Variants in DDX3X observed in about 807,000 individuals in gnomAD.
DDX3X encodes the protein DEAD-box helicase 3 X-linked.
Under a neutral mutation model 52.7 loss-of-function variants are expected in DDX3X, and 4 were observed. The observed-to-expected ratio is 0.08, with a 90% CI of 0.04 to 0.17. The LOEUF is 0.17. Ranked by LOEUF, DDX3X falls within the 10% of genes least tolerant of loss-of-function variation. The pLI, the probability that DDX3X is intolerant of heterozygous loss-of-function variation, is 1.00. For synonymous variants in DDX3X, 192 were observed against 178.1 expected, an observed-to-expected ratio of 1.08 and a Z score of -0.62; for missense variants, 222 against 548.6, an observed-to-expected ratio of 0.40 and a Z score of 5.95.
Position 41,347,307 on chromosome X carries a change from T to G in DDX3X, c.1770-5T>G. On this transcript the variant is annotated splice_polypyrimidine_tract_variant and splice_region_variant and intron_variant, in intron 15 of 16. Coordinates refer to ENST00000644876, the MANE Select transcript of DDX3X (RefSeq NM_001356.5). ...ATGTGAACCAACATAATTTTTTTCT[T>G]ATAGTAGCAGATTTAGTGGAGGGTT... is the stretch of plus-strand genomic sequence containing the variant. 7 of 1,201,684 alleles carry G rather than the reference T, an allele frequency of 5.8e-6. No individual in the cohort carries two copies. Among genetic ancestry groups the G allele is most frequent in the Non-Finnish European group, 7.9e-6 (7 of 889,649 alleles).
chrX:41,334,333 G>T, intron 1 of DDX3X, 36 bp downstream of exon 1: 1 of 1,203,622 alleles, frequency 8.3e-7, no homozygotes, highest in Non-Finnish European at 1.1e-6. Flanking sequence ...TGGCTGCTGC[G>T]TGAATTCCTC....
intron 2 of DDX3X, chrX:41,338,694 C>G (rs2063805706): frequency 8.9e-6 from 1 of 112,577 alleles, no homozygotes; most frequent in Non-Finnish European, 1.9e-5. Context: ...ATACTTAATG[C>G]TTTTGTTGAC....
intron 5 of DDX3X, among the ~76,000 whole-genome samples, chrX:41,359,698 TGTG>T (rs1163506665): frequency 2.0e-5 from 2 of 101,316 alleles, no homozygotes; most frequent in African/African-American, 7.3e-5. Flanking sequence ...GTGGGCCAGG[TGTG>T]GTGGCTCATG....
Position 41,340,524 on chromosome X carries a change from C to T in DDX3X, c.152-960C>T, listed in dbSNP as rs2063835550. On this transcript the variant is annotated intron_variant, in intron 3 of 16. Coordinates refer to ENST00000644876, the MANE Select transcript of DDX3X (RefSeq NM_001356.5). ...ACCTGTCTTTAAACCCTCTACCTGT[C>T]TTTGGGTTAATTTACATGTTTGTCA... 1.9e-5 allele frequency: 4 copies of T among 213,533 alleles called. No homozygotes were observed. The South Asian group carries it at 1.1e-3, about 61-fold the overall frequency. The allele number at this position is 213,533 out of a possible 1,213,427, so 17.6% of individuals were successfully genotyped here. A position where few individuals can be genotyped will look rare whatever the true frequency, so the allele number is the denominator to read the frequency against.
At chrX:41,356,710 G>A (rs943383491) in intron 5 of DDX3X, among the ~76,000 whole-genome samples, 2 of 109,403 alleles carry the variant, frequency 1.8e-5, no homozygotes, top group Non-Finnish European at 3.8e-5. Context: ...TGATCTGCCC[G>A]CCTCGGCCTC....
Position 41,345,564 on chromosome X carries a change from T to G in DDX3X, c.1315+16T>G, listed in dbSNP as rs1190339558. The G allele has an allele frequency of 1.7e-6, 2 of 1,174,961 alleles. No individual in the cohort carries two copies. The highest frequency in any genetic ancestry group is 2.3e-6 in the Non-Finnish European group (2 of 871,296). ...AATGCAACAGGTAACATTATGAATT[T>G]TTTATTTTATTAGACATGGGGGTTT... On this transcript the variant is annotated intron_variant, in intron 12 of 16. Transcript: ENST00000644876.
intron 5 of DDX3X, among the ~76,000 whole-genome samples, chrX:41,362,457 A>G (rs1395747343): frequency 4.5e-5 from 5 of 111,205 alleles, no homozygotes; most frequent in African/African-American, 1.6e-4. Context: ...CCCTGTCTCC[A>G]TCATGACTTA....
At chrX:41,341,869 T>C in intron 4 of DDX3X, 1 of 285,678 alleles carries the variant, frequency 3.5e-6, no homozygotes, top group Non-Finnish European at 6.1e-6. Context: ...TAAGTTCATC[T>C]AGTGAATGGC....
At chrX:41,351,351 G>A (rs1358554092), downstream of DDX3X, 1 of 112,095 alleles carries the variant, frequency 8.9e-6, no homozygotes, top group African/African-American at 3.2e-5. Flanking sequence ...AAATGCAGTT[G>A]TCACTCTTGG....
chrX:41,343,117 C>G, intron 6 of DDX3X, 99 bp from the exon 7 acceptor site: 1 of 979,235 alleles, frequency 1.0e-6, no homozygotes, highest in Non-Finnish European at 1.4e-6. Flanking sequence ...AAACTATAAA[C>G]TGAGTTACCA....
intron 5 of DDX3X, chrX:41,357,807 G>T: frequency 3.4e-6 from 1 of 295,979 alleles, no homozygotes; most frequent in South Asian, 2.0e-4. Context: ...TTCCTAACAT[G>T]GGATTCTCCT....
intron 2 of DDX3X, 167 bp downstream of exon 2, chrX:41,337,632 G>C: frequency 2.8e-6 from 1 of 358,550 alleles, no homozygotes; most frequent in Non-Finnish European, 4.5e-6. Flanking sequence ...TCAATCTAAA[G>C]CATCGTTGCC....
intron 12 of DDX3X, chrX:41,345,853 C>T (rs1026748527): frequency 1.2e-5 from 3 of 240,513 alleles, no homozygotes; most frequent in African/African-American, 5.9e-5. Flanking sequence ...GCTGGGACTA[C>T]AGGCACTCAC....
chrX:41,346,754 A>G (rs914394120), intron 14 of DDX3X, 105 bp from the exon 15 acceptor site: 3 of 960,942 alleles, frequency 3.1e-6, no homozygotes, highest in African/African-American at 1.9e-5. Context: ...TTGTTTAAAT[A>G]TTACGTGGTA....
intron 1 of DDX3X, chrX:41,334,918 A>C: frequency 3.3e-6 from 1 of 304,130 alleles, no homozygotes; most frequent in Non-Finnish European, 4.8e-6. Context: ...GGAGGATGGA[A>C]TGGGTTTCTT....
At position 41,345,336 on chromosome X, in the gene DDX3X, T is replaced by G; in HGVS notation, c.1170+12T>G. On this transcript the variant is annotated intron_variant, in intron 11 of 16. Coordinates refer to ENST00000644876, the MANE Select transcript of DDX3X (RefSeq NM_001356.5). ...CTAAGGAAATACAGGTACTGTTTGATGTTGCAAATTTTATTTATTTAGAAA... is the reference window on the plus strand; with the variant it reads ...CTAAGGAAATACAGGTACTGTTTGAGGTTGCAAATTTTATTTATTTAGAAA... The G allele has an allele frequency of 1.7e-6, 2 of 1,204,243 alleles. No individual in the cohort carries two copies. The highest frequency in any genetic ancestry group is 1.1e-6 in the Non-Finnish European group (1 of 893,026).
Position 41,347,376 on chromosome X carries a change from A to G in DDX3X, c.1834A>G (p.Ser612Gly). The G allele has an allele frequency of 8.3e-7, 1 of 1,211,888 alleles. No homozygotes were observed. Residue 612 changes from serine to glycine, a missense_variant, in exon 16 of 17, where the codon AGC becomes GGC. Physicochemically the swap from Ser to Gly is moderately conservative, Grantham distance 56. Coordinates refer to ENST00000644876, the MANE Select transcript of DDX3X (RefSeq NM_001356.5). ...YRQSSGASSS[S>G]FSSSRASSSR... ...ACAAAGTAGCGGTGCCAGCAGTTCC[A>G]GCTTCAGCAGCAGCCGCGCAAGCAG...
At chrX:41,337,553 C>G in intron 2 of DDX3X, 88 bp downstream of exon 2, 1 of 811,415 alleles carries the variant, frequency 1.2e-6, no homozygotes. Context: ...AAGAAATTTG[C>G]CTTTCAATTT....
intron 5 of DDX3X, among the ~76,000 whole-genome samples, chrX:41,357,646 G>A (rs965127879): frequency 9.1e-6 from 1 of 110,494 alleles, no homozygotes; most frequent in African/African-American, 3.3e-5. Flanking sequence ...ATGTTGCCCA[G>A]GCTAGTCTCC....
Sources: allele counts gnomAD v4.1 joint callset (sites outside exome capture counted in the v4.1 genomes callset), GRCh38; gene constraint gnomAD v4.1.1; transcripts MANE v1.5; gene names NCBI Gene and HGNC (gene_info 2026-07-23, HGNC 2026-07-21).